PSMB7: variants seen among roughly 807,000 people sequenced by gnomAD.
The protein encoded by PSMB7 is proteasome subunit beta type-7.
A neutral mutation model predicts 28.1 loss-of-function variants in PSMB7; 5 were observed. That is an observed-to-expected ratio of 0.18 (90% CI 0.09 to 0.37). The LOEUF is 0.37. Ranked by LOEUF, PSMB7 falls within the 10% of genes least tolerant of loss-of-function variation. The pLI is 1.00. For missense variants in PSMB7, 275 were observed against 346.2 expected (o/e 0.79, Z 1.63); for synonymous variants, 122 against 123.7 (o/e 0.99, Z 0.09).
intron 5 of PSMB7, among the ~76,000 whole-genome samples, chr9:124,386,134 T>A (rs1830716346): frequency 6.6e-6 from 1 of 150,428 alleles, no homozygotes; most frequent in East Asian, 1.9e-4. Flanking sequence ...CTCCTCACAA[T>A]TTTTTTCTCC....
intron 4 of PSMB7, 140 bp from the exon 5 acceptor site, chr9:124,405,572 G>C (rs893186198): frequency 1.7e-6 from 1 of 591,902 alleles, no homozygotes; most frequent in Admixed American, 3.1e-5. Context: ...GTTTTGATGG[G>C]AACAAAAAAG....
At chr9:124,412,040 A>G (rs1831032443) in intron 4 of PSMB7, among the ~76,000 whole-genome samples, 1 of 152,158 alleles carries the variant, frequency 6.6e-6, no homozygotes, top group Admixed American at 6.5e-5. Context: ...TCACAAGACA[A>G]CTTGATAGTT....
chr9:124,388,840 T>A (rs1830754137), intron 5 of PSMB7, among the ~76,000 whole-genome samples: 2 of 152,160 alleles, frequency 1.3e-5, no homozygotes, highest in African/African-American at 2.4e-5. Context: ...AGCTGAGAGA[T>A]CACTTCTTCC....
chr9:124,382,919 G>A (rs940485715), intron 6 of PSMB7, among the ~76,000 whole-genome samples: 8 of 152,066 alleles, frequency 5.3e-5, no homozygotes, highest in South Asian at 2.1e-4. Context: ...TTTAACATAC[G>A]GAAGTCCCAA....
At chr9:124,376,511 A>G (rs1330652948) in intron 6 of PSMB7, among the ~76,000 whole-genome samples, 1 of 152,208 alleles carries the variant, frequency 6.6e-6, no homozygotes, top group Non-Finnish European at 1.5e-5. Context: ...GTTCCCTCCA[A>G]TCACAGAGCT....
rs761049636 is a variant in PSMB7, at chr9:124,356,769, C to T, written c.717G>A (p.Gly239=). 6.2e-7 allele frequency: 1 copy of T among 1,612,548 alleles called. No homozygotes were observed. Among genetic ancestry groups the T allele is most frequent in the Admixed American group, 1.7e-5 (1 of 59,938 alleles). Residue 239 remains glycine, a synonymous_variant, in exon 7 of 8, where the codon GGG becomes GGA. Transcript: ENST00000259457. The surrounding 1 kb of genome is among the most constrained non-coding windows in gnomAD (Gnocchi z 4.4). ...ACTTCGTCTCCTTCACTCACCTGGT[C>T]CCCTTCTTGTTGGGCACTGTGTATG... ...LRPYTVPNKK[G]TRLGRYRCEK...
At chr9:124,361,767 G>A (rs1038341190) in intron 6 of PSMB7, among the ~76,000 whole-genome samples, 1 of 152,218 alleles carries the variant, frequency 6.6e-6, no homozygotes, top group Non-Finnish European at 1.5e-5. Context: ...CTTTAAACCT[G>A]TTATCTAGAG....
At chr9:124,404,060 A>G (rs10760357) in intron 5 of PSMB7, among the ~76,000 whole-genome samples, 10,981 of 151,686 alleles carry the variant, frequency 0.072, 985 homozygotes, top group East Asian at 0.45. Flanking sequence ...CTCAGCTTAT[A>G]TATATATGTG....
intron 5 of PSMB7, among the ~76,000 whole-genome samples, chr9:124,398,103 G>C (rs901465046): frequency 6.6e-6 from 1 of 151,974 alleles, no homozygotes; most frequent in Non-Finnish European, 1.5e-5. Flanking sequence ...AACCCAGGAG[G>C]TGGAGGCTGC....
rs1467593025 is a variant in PSMB7, at chr9:124,356,458, C to A, written c.722+306G>T. 6.6e-6 allele frequency among the ~76,000 whole-genome samples: 1 copy of A among 152,212 alleles called. No individual in the cohort carries two copies. Among genetic ancestry groups the A allele is most frequent in the East Asian group, 1.9e-4 (1 of 5,200 alleles). On this transcript the variant is annotated intron_variant, in intron 7 of 7. Coordinates refer to ENST00000259457, the MANE Select transcript of PSMB7 (RefSeq NM_002799.4). This position sits in a 1 kb window ranked among gnomAD's most constrained non-coding sequence, Gnocchi z 4.4. ...ACCTTCTCCCAGAAATCAGGGGATT[C>A]TTTAAGACACTTGAGAAAGGACAGC...
chr9:124,412,366 C>A lies in PSMB7; in HGVS notation c.381G>T (p.Lys127Asn), dbSNP rs1831036619. ...PRVVTANRMLKQMLFRYQGYI... is the reference protein window; with the variant it reads ...PRVVTANRMLNQMLFRYQGYI... ...TGGAAACTTACCTGAAAAGCATCTG[C>A]TTCAGCATCCGATTGGCTGTCACAA... Residue 127 changes from lysine (K) to asparagine (N), a missense_variant, in exon 4 of 8, where the codon AAG becomes AAT. This residue lies in a region of PSMB7 where 213 missense variants were observed against 302.4 expected (regional missense o/e 0.70). Transcript: ENST00000259457. The A allele has an allele frequency of 6.2e-7, 1 of 1,614,096 alleles. No individual in the cohort carries two copies. Among genetic ancestry groups the A allele is most frequent in the African/African-American group, 1.3e-5 (1 of 75,036 alleles).
chr9:124,364,216 T>C (rs1284188195), intron 6 of PSMB7, among the ~76,000 whole-genome samples: 2 of 152,000 alleles, frequency 1.3e-5, no homozygotes, highest in Non-Finnish European at 2.9e-5. Flanking sequence ...CTCAGAAAGG[T>C]TGGCTGATGC....
chr9:124,396,584 T>A (rs1830845631), intron 5 of PSMB7, among the ~76,000 whole-genome samples: 1 of 152,250 alleles, frequency 6.6e-6, no homozygotes, highest in Admixed American at 6.5e-5. Context: ...TGGATGGCCC[T>A]GGCAGTGACC....
At chr9:124,379,349 T>A (rs1274857229) in intron 6 of PSMB7, among the ~76,000 whole-genome samples, 1 of 152,120 alleles carries the variant, frequency 6.6e-6, no homozygotes, top group African/African-American at 2.4e-5. Context: ...GAATACCTAC[T>A]ATGCCCCAGT....
intron 6 of PSMB7, among the ~76,000 whole-genome samples, chr9:124,369,172 G>T (rs1830537712): frequency 1.3e-5 from 2 of 152,172 alleles, no homozygotes; most frequent in South Asian, 4.1e-4. Context: ...TTAAAAATCT[G>T]TACCACTAGG....
chr9:124,411,587 G>C (rs181978858), intron 4 of PSMB7, among the ~76,000 whole-genome samples: 87 of 152,312 alleles, frequency 5.7e-4, no homozygotes, highest in Admixed American at 1.4e-3. Flanking sequence ...TAAAATCACT[G>C]CCTCTCTTAT....
At chr9:124,357,062 T>C in intron 6 of PSMB7, 147 bp from the exon 7 acceptor site, 1 of 963,440 alleles carries the variant, frequency 1.0e-6, no homozygotes, top group Non-Finnish European at 1.5e-6. Flanking sequence ...GGAAAAGATC[T>C]CAAAGTACCT....
chr9:124,395,732 G>A (rs552730644), intron 5 of PSMB7, among the ~76,000 whole-genome samples: 13 of 152,262 alleles, frequency 8.5e-5, no homozygotes, highest in African/African-American at 3.1e-4. Flanking sequence ...AGAAATAGGG[G>A]TTATGAGGTT....
rs34812724 is a variant in PSMB7 at position 124,370,223 on chromosome 9, C to CT, written c.571-13309dup. 4.7e-3 allele frequency among the ~76,000 whole-genome samples: 679 copies of CT among 144,456 alleles called. 5 individuals carry two copies. Among genetic ancestry groups the CT allele is most frequent in the Middle Eastern group, 0.011 (3 of 280 alleles). The allele number at this position is 144,456 out of a possible 152,430, so 94.8% of individuals were successfully genotyped here. On this transcript the variant is annotated intron_variant, in intron 6 of 7. Coordinates refer to ENST00000259457, the MANE Select transcript of PSMB7 (RefSeq NM_002799.4). The stretch of plus-strand genomic sequence containing the variant: ...CTTAGGAGTTTTTGAGAAAGAGCAC[C>CT]TTTTTTTTTTTTTTTTAAAGCTTTC...
Sources: gnomAD v4.1 joint callset for allele counts (sites outside exome capture counted in the v4.1 genomes callset) on GRCh38, gnomAD v4.1.1 for gene constraint, gnomAD v4.1.1 regional missense constraint, Gnocchi (gnomAD v3.1) non-coding constraint, MANE v1.5 for transcripts, NCBI Gene and HGNC (gene_info 2026-07-23, HGNC 2026-07-21) for gene names.